Variants in SLK observed in about 807,000 individuals in gnomAD.
SLK encodes STE20-like serine/threonine-protein kinase.
SLK carries 67 observed loss-of-function variants against 147.7 expected under a neutral mutation model. That is an observed-to-expected ratio of 0.45 (90% CI 0.37 to 0.56). The LOEUF is 0.56. SLK is among the 20% of genes least tolerant of loss of function. The probability of loss-of-function intolerance (pLI) is 0.00; values close to 1 mark genes in which losing one functional copy is unlikely to be tolerated. For missense variants in SLK, 1,136 were observed against 1,438.8 expected (o/e 0.79, Z 3.41); for synonymous variants, 441 against 475.0 (o/e 0.93, Z 0.93).
chr10:104,005,884 C>T, intron 10 of SLK, 28 bp from the exon 11 acceptor site: 1 of 1,580,524 alleles, frequency 6.3e-7, no homozygotes, highest in Admixed American at 2.0e-5. Flanking sequence ...TTGCTGTCTT[C>T]TCTATCATTA....
In SLK at chr10:104,027,551, T is replaced by C. The variant is rs1162031214; in HGVS notation, c.*1831T>C. 6.6e-6 allele frequency: 1 copy of C among 152,622 alleles called. No homozygotes were observed. The highest frequency in any genetic ancestry group is 2.1e-4 in the South Asian group (1 of 4,836). 9.5% of individuals were successfully genotyped at this position (152,622 alleles called of 1,614,324 possible). A position where few individuals can be genotyped will look rare whatever the true frequency, so the allele number is the denominator to read the frequency against. On this transcript the variant is annotated 3_prime_UTR_variant, in exon 19 of 19. Transcript: ENST00000369755. ...ATTCAGGATGATGATAAAAATTGTT[T>C]ATATTGTTATGATAAAAATGACAGT... is the stretch of plus-strand genomic sequence containing the variant.
chr10:103,999,994 T>G, intron 7 of SLK, 46 bp downstream of exon 7: 1 of 847,944 alleles, frequency 1.2e-6, no homozygotes, highest in East Asian at 2.6e-5. Flanking sequence ...TTTTAACATC[T>G]AAGAATGTAA....
intron 9 of SLK, among the ~76,000 whole-genome samples, 179 bp downstream of exon 9, chr10:104,003,706 T>G (rs544327386): frequency 6.6e-6 from 1 of 152,358 alleles, no homozygotes; most frequent in Admixed American, 6.5e-5. Context: ...ATCTAATCTT[T>G]AAATTTTGTG....
chr10:104,005,843 TAAAA>T, intron 10 of SLK, 65 bp from the exon 11 acceptor site: 1 of 1,476,742 alleles, frequency 6.8e-7, no homozygotes, highest in Non-Finnish European at 9.2e-7. Flanking sequence ...TTTAAAGCTT[TAAAA>T]AAAAACGTAT....
At chr10:103,969,530 CTGTT>C (rs1288142255) in intron 1 of SLK, among the ~76,000 whole-genome samples, 25 of 152,164 alleles carry the variant, frequency 1.6e-4, no homozygotes, top group African/African-American at 5.6e-4. Context: ...AGTGATGTGT[CTGTT>C]TATTTGTTGA....
At chr10:104,018,751 C>A (rs766368441) in intron 14 of SLK, 33 bp from the exon 15 acceptor site, 1 of 1,587,016 alleles carries the variant, frequency 6.3e-7, no homozygotes, top group Non-Finnish European at 8.5e-7. Context: ...AAAAAAAGAG[C>A]AAAGTGACAT....
At chr10:103,992,159 T>TTTTTTTTTTC (rs1554842829) in intron 2 of SLK, among the ~76,000 whole-genome samples, 9 of 139,022 alleles carry the variant, frequency 6.5e-5, no homozygotes, top group Non-Finnish European at 1.4e-4. Context: ...TTTTTTTTTT[T>TTTTTTTTTTC]CTAAAAGAAG....
rs144641250 is a variant in SLK, at chr10:103,993,121, G to A, written c.502G>A (p.Asp168Asn). 1.2e-5 allele frequency: 19 copies of A among 1,602,004 alleles called. No homozygotes were observed. The highest frequency in any genetic ancestry group is 1.6e-5 in the Non-Finnish European group (19 of 1,174,390). ...CAACATTCTCTTTACCTTAGATGGA[G>A]ATATCAAATTGGGTAAGTTATTCAC... ...AGNILFTLDG[D>N]IKLADFGVSA... is the part of the protein sequence containing the mutation. The change falls in exon 4 of 19, where the codon GAT (aspartate) becomes AAT (asparagine). Residue 168 changes from aspartate to asparagine, a missense_variant. By Grantham distance (23) the Asp-to-Asn change is conservative (BLOSUM62 1). This residue lies in a region of SLK where 141 missense variants were observed against 219.3 expected (regional missense o/e 0.64). Transcript: ENST00000369755.
intron 1 of SLK, among the ~76,000 whole-genome samples, chr10:103,981,942 A>G (rs1351233638): frequency 3.3e-5 from 5 of 152,136 alleles, no homozygotes; most frequent in African/African-American, 9.7e-5. Flanking sequence ...TAACAATATT[A>G]GGCCTCCAAT....
intron 1 of SLK, among the ~76,000 whole-genome samples, chr10:103,989,421 A>G (rs902453444): frequency 8.8e-5 from 13 of 148,426 alleles, no homozygotes; most frequent in African/African-American, 3.3e-4. Flanking sequence ...GCTGGTGTGT[A>G]TGCAGACTCT....
At chr10:103,974,904 C>T (rs918881140) in intron 1 of SLK, 4 of 130,514 alleles carry the variant, frequency 3.1e-5, no homozygotes, top group Non-Finnish European at 4.7e-5. Context: ...CTCTTGACCT[C>T]ATGATCCACC....
At chr10:103,984,249 T>G in intron 1 of SLK, among the ~76,000 whole-genome samples, 1 of 152,208 alleles carries the variant, frequency 6.6e-6, no homozygotes, top group South Asian at 2.1e-4. Context: ...ACTGATTTCT[T>G]TGCAAAATAC....
Position 103,999,255 on chromosome 10 carries a change from C to A in SLK, c.724C>A (p.Arg242=), listed in dbSNP as rs200677132. The change falls in exon 6 of 19, where the codon CGA becomes AGA. Residue 242 remains arginine, a synonymous_variant. Coordinates refer to ENST00000369755, the MANE Select transcript of SLK (RefSeq NM_014720.4). ...EPPHHELNPM[R]VLLKIAKSEP... is the part of the protein sequence containing the mutation. Reference sequence around the variant, plus strand: ...ACCTCATCATGAATTAAATCCAATGCGAGTGCTGCTAAAAATAGCAAAATC... The same window carrying A: ...ACCTCATCATGAATTAAATCCAATGAGAGTGCTGCTAAAAATAGCAAAATC... 3.1e-6 allele frequency: 5 copies of A among 1,613,422 alleles called. No individual in the cohort carries two copies. The highest frequency in any genetic ancestry group is 4.2e-6 in the Non-Finnish European group (5 of 1,179,694).
chr10:104,003,435 G>T lies in SLK; in HGVS notation c.2257G>T (p.Gly753Cys). Reference sequence around the variant, plus strand: ...GGAAAATGATAATGATTCAGGCACTGGTTCCACTGCTGATACTAGCAGTAT... The same window carrying T: ...GGAAAATGATAATGATTCAGGCACTTGTTCCACTGCTGATACTAGCAGTAT... ...PKENDNDSGT[G>C]STADTSSIDL... The change falls in exon 9 of 19, where the codon GGT becomes TGT. Residue 753 changes from glycine (G) to cysteine (C), a missense_variant. By Grantham distance (159) the Gly-to-Cys change is radical. Coordinates refer to ENST00000369755, the MANE Select transcript of SLK (RefSeq NM_014720.4). 1 of 1,613,676 alleles carries T rather than the reference G, an allele frequency of 6.2e-7. No individual in the cohort carries two copies. The highest frequency in any genetic ancestry group is 2.2e-5 in the East Asian group (1 of 44,876).
Position 104,022,216 on chromosome 10 carries a change from T to TAGGGAGGAAGAAAAGGAAGGA in SLK, c.3561+487_3561+507dup, listed in dbSNP as rs1844545049. 2.0e-5 allele frequency among the ~76,000 whole-genome samples: 3 copies of TAGGGAGGAAGAAAAGGAAGGA among 151,896 alleles called. No homozygotes were observed. In the South Asian group the frequency reaches 6.2e-4, roughly 32 times the overall value. ...GGGGTGTGTGCCAGTGTGTAGTCATTAGGGAGGAAGAAAAGGAAGGAAGGA... is the reference window on the plus strand; with the variant it reads ...GGGGTGTGTGCCAGTGTGTAGTCATTAGGGAGGAAGAAAAGGAAGGAAGGGAGGAAGAAAAGGAAGGAAGGA... On this transcript the variant is annotated intron_variant, in intron 18 of 18. Transcript: ENST00000369755.
chr10:103,984,107 G>T (rs1843982477), intron 1 of SLK, among the ~76,000 whole-genome samples: 2 of 152,012 alleles, frequency 1.3e-5, no homozygotes, highest in Admixed American at 1.3e-4. Flanking sequence ...TTTTCCTCCT[G>T]TCTGGACCCT....
At chr10:104,013,469 C>G (rs146983695) in intron 13 of SLK, among the ~76,000 whole-genome samples, 2 of 152,346 alleles carry the variant, frequency 1.3e-5, no homozygotes, top group East Asian at 3.9e-4. Flanking sequence ...AACCACTGAT[C>G]TAGTTCAAAT....
At chr10:103,995,655 G>A (rs930723894) in intron 4 of SLK, among the ~76,000 whole-genome samples, 14 of 151,802 alleles carry the variant, frequency 9.2e-5, no homozygotes, top group African/African-American at 2.7e-4. Context: ...GGAACTCCTG[G>A]CCAGAAGTGA....
At chr10:103,971,517 C>CT (rs1843793384) in intron 1 of SLK, among the ~76,000 whole-genome samples, 1 of 152,216 alleles carries the variant, frequency 6.6e-6, no homozygotes, top group Non-Finnish European at 1.5e-5. Context: ...GGTGATCCGC[C>CT]TGCCTTGGCC....
Sources: allele counts gnomAD v4.1 joint callset (sites outside exome capture counted in the v4.1 genomes callset), GRCh38; gene constraint gnomAD v4.1.1; regional missense constraint gnomAD v4.1.1; transcripts MANE v1.5; gene names NCBI Gene and HGNC (gene_info 2026-07-23, HGNC 2026-07-21).